Variants in MSR1 observed in about 807,000 individuals in gnomAD.
The protein encoded by MSR1 is macrophage scavenger receptor 1, also known as macrophage scavenger receptor types I and II.
MSR1 carries 53 observed loss-of-function variants against 47.2 expected under a neutral mutation model. The ratio of observed to expected loss-of-function variants is 1.12; its 90% CI spans 0.90 to 1.41. The LOEUF (loss-of-function observed/expected upper bound fraction) is 1.41, where lower values mean the gene tolerates loss of function less well. MSR1 is among the 40% of genes most tolerant of loss of function. The pLI is 0.00. For synonymous variants in MSR1, 239 were observed against 185.6 expected, an observed-to-expected ratio of 1.29 and a Z score of -2.34; for missense variants, 786 against 546.9, an observed-to-expected ratio of 1.44 and a Z score of -4.36.
At position 16,144,849 on chromosome 8, in the gene MSR1, G is replaced by A. The variant is rs1390733369; in HGVS notation, c.980-1238C>T. 4.0e-5 allele frequency among the ~76,000 whole-genome samples: 6 copies of A among 151,640 alleles called. No individual in the cohort carries two copies. The East Asian group carries it at 5.8e-4, about 15-fold the overall frequency. ...AGAATGAGAGAAAAACTTTTTCATC[G>A]CAGTTCATTTTATATGGTACAATTA... On this transcript the variant is annotated intron_variant, in intron 7 of 9. Transcript: ENST00000262101.
At chr8:16,130,897 T>G (rs917450162) in intron 8 of MSR1, among the ~76,000 whole-genome samples, 1 of 152,056 alleles carries the variant, frequency 6.6e-6, no homozygotes, top group Non-Finnish European at 1.5e-5. Flanking sequence ...GGCATTTAGG[T>G]TGATTCCATG....
At chr8:16,185,823 C>T in intron 1 of MSR1, among the ~76,000 whole-genome samples, 1 of 145,328 alleles carries the variant, frequency 6.9e-6, no homozygotes. Flanking sequence ...AAAAGTCAAA[C>T]AGTAGAAGAT....
intron 8 of MSR1, among the ~76,000 whole-genome samples, chr8:16,122,814 G>C (rs886744072): frequency 6.6e-6 from 1 of 150,970 alleles, no homozygotes; most frequent in Admixed American, 6.6e-5. Flanking sequence ...AAGGGATCCT[G>C]AGGGGGAGTA....
At chr8:16,116,759 C>T (rs1049687932) in intron 9 of MSR1, among the ~76,000 whole-genome samples, 5 of 152,018 alleles carry the variant, frequency 3.3e-5, no homozygotes, top group Admixed American at 6.6e-5. Context: ...AAAGTTAATA[C>T]AATTTTAGGA....
chr8:16,116,117 AAC>A (rs1799871556), intron 9 of MSR1, among the ~76,000 whole-genome samples: 2 of 152,226 alleles, frequency 1.3e-5, no homozygotes, highest in Admixed American at 1.3e-4. Context: ...AATGTGTGAT[AAC>A]ACAGTTTGTG....
intron 1 of MSR1, among the ~76,000 whole-genome samples, chr8:16,185,169 G>C (rs1408861609): frequency 7.1e-6 from 1 of 141,076 alleles, no homozygotes. Flanking sequence ...AAAAAAAAAA[G>C]CTCACATTCA....
chr8:16,175,559 T>C (rs1045640852), intron 2 of MSR1, among the ~76,000 whole-genome samples: 6 of 152,214 alleles, frequency 3.9e-5, no homozygotes, highest in African/African-American at 1.4e-4. Flanking sequence ...CAAGTTGTGC[T>C]TGTTTGATCT....
intron 8 of MSR1, among the ~76,000 whole-genome samples, chr8:16,129,982 A>G (rs1407588606): frequency 6.6e-6 from 1 of 152,128 alleles, no homozygotes; most frequent in African/African-American, 2.4e-5. Flanking sequence ...GAGGAAAGGG[A>G]AGTGGAGTGT....
intron 5 of MSR1, among the ~76,000 whole-genome samples, chr8:16,155,623 C>T (rs763838344): frequency 6.6e-6 from 1 of 151,944 alleles, no homozygotes; most frequent in Non-Finnish European, 1.5e-5. Flanking sequence ...TTTGTTGGAA[C>T]TGACCATAAA....
chr8:16,150,383 ATC>A, intron 6 of MSR1, 72 bp from the exon 7 acceptor site: 1 of 750,334 alleles, frequency 1.3e-6, no homozygotes, highest in Non-Finnish European at 2.1e-6. Context: ...TAATGAAAAC[ATC>A]TAGTTTTATA....
chr8:16,145,300 C>T (rs1173253222), intron 7 of MSR1, among the ~76,000 whole-genome samples: 1 of 152,016 alleles, frequency 6.6e-6, no homozygotes, highest in African/African-American at 2.4e-5. Context: ...ATTTTGAGAG[C>T]ATGCTTTAAT....
At chr8:16,117,001 A>C (rs1005445124) in intron 9 of MSR1, among the ~76,000 whole-genome samples, 9 of 152,146 alleles carry the variant, frequency 5.9e-5, no homozygotes, top group Admixed American at 5.9e-4. Flanking sequence ...GTAATAGATG[A>C]AAAAGCCTCA....
chr8:16,189,853 T>A (rs1222488007), intron 1 of MSR1, among the ~76,000 whole-genome samples: 4 of 147,072 alleles, frequency 2.7e-5, no homozygotes, highest in African/African-American at 7.5e-5. Flanking sequence ...CTTTTAAACT[T>A]TTTTTCCTTT....
chr8:16,113,558 A>G (rs1402586933), intron 9 of MSR1, among the ~76,000 whole-genome samples: 1 of 152,174 alleles, frequency 6.6e-6, no homozygotes, highest in Non-Finnish European at 1.5e-5. Flanking sequence ...CCATTGAGAA[A>G]AACAATGTAA....
In MSR1 at chr8:16,140,554, C is replaced by T. The variant is rs1446998574; in HGVS notation, c.1033+3004G>A. On this transcript the variant is annotated intron_variant, in intron 8 of 9. Coordinates refer to ENST00000262101, the MANE Select transcript of MSR1 (RefSeq NM_138715.3). ...GAGATATTTAGGACAGAGCCTCACACAAGTGTTATATTGTATGGTAGGAAT... is the reference window on the plus strand; with the variant it reads ...GAGATATTTAGGACAGAGCCTCACATAAGTGTTATATTGTATGGTAGGAAT... 5 of 1,019,732 alleles carry T rather than the reference C, an allele frequency of 4.9e-6. No homozygotes were observed. In the African/African-American group the frequency reaches 8.6e-5, roughly 17 times the overall value. 63.2% of individuals were successfully genotyped at this position (1,019,732 alleles called of 1,614,324 possible). A position where few individuals can be genotyped will look rare whatever the true frequency, so the allele number is the denominator to read the frequency against.
chr8:16,142,794 G>GAC (rs373284869), intron 8 of MSR1, among the ~76,000 whole-genome samples: 5 of 151,892 alleles, frequency 3.3e-5, no homozygotes, highest in African/African-American at 9.7e-5. Context: ...TGGACACACA[G>GAC]ACACACACAC....
At chr8:16,160,330 T>G (rs1010818526) in intron 5 of MSR1, among the ~76,000 whole-genome samples, 1 of 152,034 alleles carries the variant, frequency 6.6e-6, no homozygotes, top group Non-Finnish European at 1.5e-5. Context: ...TTAAAATTGA[T>G]AGCTTGGAAA....
At chr8:16,133,305 G>A (rs1409989507) in intron 8 of MSR1, among the ~76,000 whole-genome samples, 1 of 152,134 alleles carries the variant, frequency 6.6e-6, no homozygotes, top group African/African-American at 2.4e-5. Flanking sequence ...ATTATTGAAA[G>A]AAGAAAAATT....
intron 1 of MSR1, among the ~76,000 whole-genome samples, chr8:16,184,096 G>C (rs191013879): frequency 1.3e-5 from 2 of 151,364 alleles, no homozygotes; most frequent in African/African-American, 4.8e-5. Context: ...ATGGAACTGA[G>C]AGCAGTTTTA....
Sources: gnomAD v4.1 joint callset for allele counts (sites outside exome capture counted in the v4.1 genomes callset) on GRCh38, gnomAD v4.1.1 for gene constraint, MANE v1.5 for transcripts, NCBI Gene and HGNC (gene_info 2026-07-23, HGNC 2026-07-21) for gene names.